Variants in SLC16A7 observed in about 807,000 individuals in gnomAD.
SLC16A7 encodes the protein monocarboxylate transporter 2.
In SLC16A7, 33 loss-of-function variants were observed where a neutral mutation model predicts 34.9. The ratio of observed to expected loss-of-function variants is 0.94; its 90% CI spans 0.72 to 1.26. The LOEUF (loss-of-function observed/expected upper bound fraction) is 1.26. Ranked by LOEUF, SLC16A7 falls within the 50% of genes most tolerant of loss-of-function variation. SLC16A7 has a pLI of 0.00. For missense variants in SLC16A7, 573 were observed against 578.1 expected, an observed-to-expected ratio of 0.99 and a Z score of 0.09; for synonymous variants, 201 against 206.6, an observed-to-expected ratio of 0.97 and a Z score of 0.23.
At chr12:59,637,496 T>C (rs1880483829) in intron 1 of SLC16A7, among the ~76,000 whole-genome samples, 1 of 151,972 alleles carries the variant, frequency 6.6e-6, no homozygotes, top group Non-Finnish European at 1.5e-5. Flanking sequence ...CTTTGTAGGG[T>C]TAGAAAGGTG....
intron 2 of SLC16A7, among the ~76,000 whole-genome samples, chr12:59,693,615 T>A (rs1392731708): frequency 6.6e-6 from 1 of 151,858 alleles, no homozygotes; most frequent in Non-Finnish European, 1.5e-5. Flanking sequence ...TCAAAAACAT[T>A]ATGGACAGCA....
intron 3 of SLC16A7, among the ~76,000 whole-genome samples, chr12:59,745,803 A>G (rs911119321): frequency 2.0e-5 from 3 of 152,238 alleles, no homozygotes; most frequent in Admixed American, 6.5e-5. Context: ...AAGCACTGGA[A>G]GACTAGGAAG....
At chr12:59,699,096 A>AT in intron 2 of SLC16A7, among the ~76,000 whole-genome samples, 1 of 151,522 alleles carries the variant, frequency 6.6e-6, no homozygotes, top group East Asian at 1.9e-4. Context: ...TTCTTTACGT[A>AT]TTTTTTTATT....
chr12:59,662,071 T>C lies in SLC16A7; in HGVS notation c.-31+6821T>C, dbSNP rs1460945940. Among the ~76,000 whole-genome samples the C allele has an allele frequency of 2.0e-5, 3 of 152,112 alleles. No homozygotes were observed. The East Asian group carries it at 5.8e-4, about 29-fold the overall frequency. ...ATGTGTTATATTATTTCCATTATGTTGTGAGACCTTTGTTTTTTTGTGTTT... is the reference window on the plus strand; with the variant it reads ...ATGTGTTATATTATTTCCATTATGTCGTGAGACCTTTGTTTTTTTGTGTTT... On this transcript the variant is annotated intron_variant, in intron 2 of 5. Transcript: ENST00000547379.
Position 59,775,821 on chromosome 12 carries a change from C to T in SLC16A7, c.1180+346C>T, listed in dbSNP as rs140935379. 1.8e-3 allele frequency among the ~76,000 whole-genome samples: 277 copies of T among 152,196 alleles called. 2 individuals carry two copies. Among genetic ancestry groups the T allele is most frequent in the African/African-American group, 6.5e-3 (269 of 41,552 alleles). On this transcript the variant is annotated intron_variant, in intron 5 of 5. Transcript: ENST00000547379. ...CTTTATCATTGGTGAACAGATCTCT[C>T]GTCTGTTTATATTGAAATGAGCCAA...
chr12:59,769,443 A>T (rs997357230), intron 3 of SLC16A7: 1 of 152,064 alleles, frequency 6.6e-6, no homozygotes, highest in African/African-American at 2.4e-5. Flanking sequence ...TTCTTTTTAT[A>T]CAACTTGTAC....
At chr12:59,727,955 T>C (rs1194918821) in intron 3 of SLC16A7, among the ~76,000 whole-genome samples, 1 of 152,170 alleles carries the variant, frequency 6.6e-6, no homozygotes, top group Non-Finnish European at 1.5e-5. Context: ...ACATGTATAC[T>C]GATGTCACTA....
At position 59,648,341 on chromosome 12, in the gene SLC16A7, T is replaced by A. The variant is rs563431526; in HGVS notation, c.-129-6811T>A. Reference sequence around the variant, plus strand: ...AGTTTGGAATTTTCAGACTTCTTGTTGCAAGAAGACATAGGCATGAGGGAC... The same window carrying A: ...AGTTTGGAATTTTCAGACTTCTTGTAGCAAGAAGACATAGGCATGAGGGAC... On this transcript the variant is annotated intron_variant, in intron 1 of 5. Coordinates refer to ENST00000547379, the MANE Select transcript of SLC16A7 (RefSeq NM_001270623.2). Among the ~76,000 whole-genome samples, 52 of 152,326 alleles carry A rather than the reference T, an allele frequency of 3.4e-4. 1 individual carries two copies. The highest frequency in any genetic ancestry group is 1.1e-3 in the African/African-American group (46 of 41,586).
chr12:59,679,919 C>G (rs898239560), intron 2 of SLC16A7, among the ~76,000 whole-genome samples: 3 of 152,160 alleles, frequency 2.0e-5, no homozygotes, highest in Non-Finnish European at 4.4e-5. Context: ...ACGATCATTT[C>G]AGAGACAGGC....
In SLC16A7 at chr12:59,707,766, G is replaced by A. The variant is rs555865421; in HGVS notation, c.217+2748G>A. 1.9e-3 allele frequency among the ~76,000 whole-genome samples: 285 copies of A among 152,176 alleles called. 2 individuals carry two copies. Among genetic ancestry groups the A allele is most frequent in the African/African-American group, 6.0e-3 (249 of 41,546 alleles). On this transcript the variant is annotated intron_variant, in intron 3 of 5. Transcript: ENST00000547379. Reference sequence around the variant, plus strand: ...AGTAATTGATGAAGGCAATATCTAGGTGAGATCCAAGTAAGTACCTGGAAT... The same window carrying A: ...AGTAATTGATGAAGGCAATATCTAGATGAGATCCAAGTAAGTACCTGGAAT...
chr12:59,629,695 C>T (rs1880091759), intron 1 of SLC16A7, among the ~76,000 whole-genome samples: 1 of 151,874 alleles, frequency 6.6e-6, no homozygotes, highest in South Asian at 2.1e-4. Context: ...GCCACATATG[C>T]TGTATGACTT....
chr12:59,757,391 T>A (rs1473825998), intron 3 of SLC16A7, among the ~76,000 whole-genome samples: 1 of 152,108 alleles, frequency 6.6e-6, no homozygotes, highest in African/African-American at 2.4e-5. Context: ...ATCCCAGAAC[T>A]TTAATAATAA....
chr12:59,737,443 A>G (rs1217338497), intron 3 of SLC16A7, among the ~76,000 whole-genome samples: 3 of 152,192 alleles, frequency 2.0e-5, no homozygotes, highest in Non-Finnish European at 1.5e-5. Flanking sequence ...AGTCAGTCCA[A>G]TCTCTAAAAC....
chr12:59,674,179 A>G (rs1870114903), intron 2 of SLC16A7, among the ~76,000 whole-genome samples: 1 of 152,224 alleles, frequency 6.6e-6, no homozygotes, highest in African/African-American at 2.4e-5. Context: ...AATAGCTACT[A>G]AAACAATTTT....
intron 3 of SLC16A7, among the ~76,000 whole-genome samples, chr12:59,765,905 TC>T (rs1421236893): frequency 8.5e-5 from 13 of 152,144 alleles, no homozygotes; most frequent in Admixed American, 7.9e-4. Flanking sequence ...TGGCATTGAA[TC>T]TATAAATTAC....
chr12:59,786,631 T>C lies in SLC16A7; in HGVS notation c.*6952T>C, dbSNP rs1288739609. The C allele has an allele frequency of 1.3e-5, 2 of 152,184 alleles. No individual in the cohort carries two copies. Among genetic ancestry groups the C allele is most frequent in the African/African-American group, 2.4e-5 (1 of 41,458 alleles). The allele number at this position is 152,184 out of a possible 1,614,324, so 9.4% of individuals were successfully genotyped here. On this transcript the variant is annotated 3_prime_UTR_variant, in exon 6 of 6. Coordinates refer to ENST00000547379, the MANE Select transcript of SLC16A7 (RefSeq NM_001270623.2). Reference sequence around the variant, plus strand: ...TGATATATTTATGTCTCAGAAGATATGTTTAATGAATTCATTTCATCCTCT... The same window carrying C: ...TGATATATTTATGTCTCAGAAGATACGTTTAATGAATTCATTTCATCCTCT...
At chr12:59,655,716 C>T (rs1868501857) in intron 2 of SLC16A7, among the ~76,000 whole-genome samples, 1 of 150,386 alleles carries the variant, frequency 6.6e-6, no homozygotes, top group Non-Finnish European at 1.5e-5. Flanking sequence ...GGTTTTTTTA[C>T]GTTCATATTT....
At chr12:59,763,344 C>A (rs911351488) in intron 3 of SLC16A7, among the ~76,000 whole-genome samples, 2 of 151,960 alleles carry the variant, frequency 1.3e-5, no homozygotes, top group Admixed American at 1.3e-4. Flanking sequence ...CAGTATTAGT[C>A]AATTATTTGA....
At chr12:59,723,098 T>G (rs944870184) in intron 3 of SLC16A7, among the ~76,000 whole-genome samples, 1 of 151,952 alleles carries the variant, frequency 6.6e-6, no homozygotes, top group Non-Finnish European at 1.5e-5. Flanking sequence ...AGATTTTTTT[T>G]CCTTCTGCTT....
Sources: gnomAD v4.1 joint callset for allele counts (sites outside exome capture counted in the v4.1 genomes callset) on GRCh38, gnomAD v4.1.1 for gene constraint, MANE v1.5 for transcripts, NCBI Gene and HGNC (gene_info 2026-07-23, HGNC 2026-07-21) for gene names.